The following AOPEP variants were observed in gnomAD, a reference collection of about 807,000 sequenced individuals.
The protein encoded by AOPEP is aminopeptidase O (putative).
In AOPEP, 77 loss-of-function variants were observed where a neutral mutation model predicts 98.1. That is an observed-to-expected ratio of 0.78 (90% confidence interval 0.65 to 0.95). The LOEUF (loss-of-function observed/expected upper bound fraction) is 0.95, where lower values mean the gene tolerates loss of function less well. AOPEP is among the 40% of genes least tolerant of loss of function. AOPEP has a pLI of 0.00. For missense variants in AOPEP, 1,024 were observed against 1,024.7 expected (o/e 1.00, Z 0.01); for synonymous variants, 346 against 365.3 (o/e 0.95, Z 0.60).
intron 11 of AOPEP, among the ~76,000 whole-genome samples, chr9:94,995,214 A>G (rs1589201105): frequency 6.6e-6 from 1 of 152,270 alleles, no homozygotes; most frequent in African/African-American, 2.4e-5. Flanking sequence ...CAGGCTTTTT[A>G]TTATGACGTC....
Position 94,761,348 on chromosome 9 carries a change from AGTT to A in AOPEP, c.797+772_797+774del, listed in dbSNP as rs565379127. On this transcript the variant is annotated intron_variant, in intron 2 of 16. Transcript: ENST00000375315. The stretch of plus-strand genomic sequence containing the variant: ...TTTTTCTTATTGTCTTTCCTCCAAC[AGTT>A]GTTCAGATTTTTTTAAATTTGAGAA... Among the ~76,000 whole-genome samples the A allele has an allele frequency of 1.1e-4, 16 of 152,306 alleles. No homozygotes were observed. In the East Asian group the frequency reaches 2.3e-3, roughly 22 times the overall value.
At chr9:94,762,402 G>A (rs1838542516) in intron 2 of AOPEP, among the ~76,000 whole-genome samples, 1 of 151,562 alleles carries the variant, frequency 6.6e-6, no homozygotes, top group Non-Finnish European at 1.5e-5. Flanking sequence ...AGCCAAGATC[G>A]TGCCACTGCA....
At chr9:94,990,374 C>T (rs1325035149) in intron 11 of AOPEP, among the ~76,000 whole-genome samples, 1 of 152,072 alleles carries the variant, frequency 6.6e-6, no homozygotes, top group Admixed American at 6.6e-5. Flanking sequence ...TAATAATGAG[C>T]GGACCTGTAA....
intron 5 of AOPEP, among the ~76,000 whole-genome samples, chr9:94,914,523 C>CGTGTGTGTGTGTGTGTGTGTGTGTGT (rs67826706): frequency 1.3e-4 from 18 of 143,604 alleles, no homozygotes; most frequent in Non-Finnish European, 2.0e-4. Flanking sequence ...TGGCATTAGA[C>CGTGTGTGTGTGTGTGTGTGTGTGTGT]GTGTGTGTGT....
At chr9:94,783,301 G>A (rs981639785) in intron 3 of AOPEP, among the ~76,000 whole-genome samples, 4 of 152,128 alleles carry the variant, frequency 2.6e-5, no homozygotes, top group African/African-American at 7.2e-5. Context: ...TGCCTGAGGC[G>A]GTACCATGTT....
intron 9 of AOPEP, among the ~76,000 whole-genome samples, chr9:94,961,806 G>T (rs2058858160): frequency 6.6e-6 from 1 of 152,074 alleles, no homozygotes; most frequent in African/African-American, 2.4e-5. Flanking sequence ...TCTTTTATGT[G>T]TTATGCTGCT....
chr9:95,024,923 C>T (rs1484526177), intron 13 of AOPEP, among the ~76,000 whole-genome samples: 2 of 151,868 alleles, frequency 1.3e-5, no homozygotes, highest in Admixed American at 1.3e-4. Context: ...CCTTTTTTTC[C>T]CCTTAGGCCA....
chr9:95,018,899 A>G (rs2063227437), intron 13 of AOPEP: 1 of 152,196 alleles, frequency 6.6e-6, no homozygotes, highest in Admixed American at 6.5e-5. Context: ...TACTTAATGC[A>G]TCTTAAGGCA....
At chr9:95,101,238 A>C in the AOPEP span, 1 of 283,628 alleles carries the variant, frequency 3.5e-6, no homozygotes, top group Non-Finnish European at 6.8e-6. Flanking sequence ...CCATACAGCA[A>C]GACAGTGTGG....
chr9:94,971,520 A>G (rs947783235), intron 10 of AOPEP, among the ~76,000 whole-genome samples: 2 of 152,020 alleles, frequency 1.3e-5, no homozygotes, highest in South Asian at 4.2e-4. Context: ...AAGGCCCCAC[A>G]CCTACCCCCC....
intron 5 of AOPEP, among the ~76,000 whole-genome samples, chr9:94,870,316 A>AG (rs1320005243): frequency 6.6e-6 from 1 of 152,064 alleles, no homozygotes; most frequent in Non-Finnish European, 1.5e-5. Flanking sequence ...TTAAAAGGGA[A>AG]GGGGGGCAGT....
At chr9:95,059,075 G>T (rs2067091285) in intron 13 of AOPEP, among the ~76,000 whole-genome samples, 1 of 152,238 alleles carries the variant, frequency 6.6e-6, no homozygotes, top group Non-Finnish European at 1.5e-5. Context: ...TAAAACAGTA[G>T]ATTTCTTTTT....
At chr9:94,971,518 A>C (rs1217673358) in intron 10 of AOPEP, among the ~76,000 whole-genome samples, 2 of 152,128 alleles carry the variant, frequency 1.3e-5, no homozygotes, top group Non-Finnish European at 2.9e-5. Flanking sequence ...CAAAGGCCCC[A>C]CACCTACCCC....
chr9:94,792,645 C>A, intron 3 of AOPEP, 120 bp from the exon 4 acceptor site: 2 of 964,340 alleles, frequency 2.1e-6, no homozygotes, highest in Non-Finnish European at 3.0e-6. Context: ...GACCGACCTC[C>A]AAGAGTTGGC....
chr9:95,107,476 G>A, the AOPEP span: 92 of 630,554 alleles, frequency 1.5e-4, no homozygotes, highest in Admixed American at 3.3e-4. Context: ...CTTTCGTCTT[G>A]CTCACCAAGC....
intron 13 of AOPEP, among the ~76,000 whole-genome samples, chr9:95,011,242 A>T (rs188236720): frequency 7.0e-5 from 10 of 143,690 alleles, no homozygotes; most frequent in African/African-American, 2.1e-4. Context: ...TTTGATACGA[A>T]GTCTCACTCT....
intron 7 of AOPEP, among the ~76,000 whole-genome samples, chr9:94,947,846 G>A (rs190585862): frequency 1.3e-5 from 2 of 152,218 alleles, no homozygotes; most frequent in African/African-American, 4.8e-5. Flanking sequence ...AAGCAGAGGC[G>A]CATCTGACCC....
At chr9:94,989,997 G>A (rs915822514) in intron 11 of AOPEP, among the ~76,000 whole-genome samples, 15 of 152,278 alleles carry the variant, frequency 9.9e-5, no homozygotes, top group South Asian at 2.1e-4. Flanking sequence ...ATATAAAGCC[G>A]AAAGGGCACA....
At chr9:94,771,700 C>T (rs552519861) in intron 2 of AOPEP, among the ~76,000 whole-genome samples, 1 of 152,162 alleles carries the variant, frequency 6.6e-6, no homozygotes, top group South Asian at 2.1e-4. Context: ...CCTTTGGCCC[C>T]TTCAGTGTGG....
Sources: allele counts gnomAD v4.1 joint callset (sites outside exome capture counted in the v4.1 genomes callset), GRCh38; gene constraint gnomAD v4.1.1; transcripts MANE v1.5; gene names NCBI Gene and HGNC (gene_info 2026-07-23, HGNC 2026-07-21).